Variants in RNF111 observed in about 807,000 individuals in gnomAD.
The protein encoded by RNF111 is ring finger protein 111, also known as E3 ubiquitin-protein ligase Arkadia.
In RNF111, 17 loss-of-function variants were observed where a neutral mutation model predicts 95.1. That is an observed-to-expected ratio of 0.18 (90% CI 0.12 to 0.27). The LOEUF (loss-of-function observed/expected upper bound fraction) is 0.27. RNF111 is among the 10% of genes least tolerant of loss of function. RNF111 has a pLI of 1.00. For missense variants in RNF111, 1,189 were observed against 1,210.4 expected (o/e 0.98, Z 0.26); for synonymous variants, 440 against 414.8 (o/e 1.06, Z -0.74).
rs765960985 is a variant in RNF111 at position 59,047,796 on chromosome 15, A to T, written c.881-4509A>T. On this transcript the variant is annotated intron_variant, in intron 2 of 13. Transcript: ENST00000348370. ...TCGCCATGTTGCCCAGGCTGGATTGAACTCCTTAGCTCGAGCAATCTGCCT... is the reference window on the plus strand; with the variant it reads ...TCGCCATGTTGCCCAGGCTGGATTGTACTCCTTAGCTCGAGCAATCTGCCT... Among the ~76,000 whole-genome samples the T allele has an allele frequency of 1.6e-4, 24 of 152,220 alleles. No homozygotes were observed. In the South Asian group the frequency reaches 1.7e-3, roughly 11 times the overall value.
chr15:59,002,621 T>C (rs776030340), intron 1 of RNF111, among the ~76,000 whole-genome samples: 15 of 152,024 alleles, frequency 9.9e-5, no homozygotes, highest in Non-Finnish European at 1.6e-4. Context: ...ATCCAGGCTT[T>C]GCTATCAGGT....
At chr15:59,052,876 C>G (rs1333955123) in intron 3 of RNF111, among the ~76,000 whole-genome samples, 1 of 151,784 alleles carries the variant, frequency 6.6e-6, no homozygotes, top group African/African-American at 2.4e-5. Flanking sequence ...AGTTAATGCT[C>G]TGAATAAACA....
At chr15:59,048,730 G>T (rs1364465626) in intron 2 of RNF111, among the ~76,000 whole-genome samples, 1 of 152,116 alleles carries the variant, frequency 6.6e-6, no homozygotes, top group Non-Finnish European at 1.5e-5. Context: ...AAAAGAAATG[G>T]AGGGTTACTT....
intron 1 of RNF111, among the ~76,000 whole-genome samples, chr15:58,992,868 C>T (rs1441974146): frequency 5.9e-5 from 9 of 151,724 alleles, no homozygotes; most frequent in African/African-American, 1.9e-4. Flanking sequence ...TTTTTGAAAA[C>T]GTTCATTCAT....
At chr15:59,026,262 C>G (rs1439651128) in intron 1 of RNF111, among the ~76,000 whole-genome samples, 2 of 152,110 alleles carry the variant, frequency 1.3e-5, no homozygotes, top group Non-Finnish European at 2.9e-5. Flanking sequence ...ATTACTAAAT[C>G]CCAACCCTAA....
rs560294138 is a variant in RNF111 at position 59,066,211 on chromosome 15, A to G, written c.1367-553A>G. On this transcript the variant is annotated intron_variant, in intron 5 of 13. Coordinates refer to ENST00000348370, the MANE Select transcript of RNF111 (RefSeq NM_017610.8). ...CCATAGGAAAACATGATCTATTGCC[A>G]TACTTACACATCACAGTAAATATGA... 8.5e-5 allele frequency among the ~76,000 whole-genome samples: 13 copies of G among 152,368 alleles called. No individual in the cohort carries two copies. In the East Asian group the frequency reaches 1.7e-3, roughly 20 times the overall value.
intron 2 of RNF111, among the ~76,000 whole-genome samples, chr15:59,034,059 A>G (rs1270210793): frequency 2.0e-5 from 3 of 152,268 alleles, no homozygotes; most frequent in Non-Finnish European, 2.9e-5. Context: ...ACTATTAACC[A>G]GAAGTAATCA....
chr15:59,055,837 A>G lies in RNF111; in HGVS notation c.1163A>G (p.Asp388Gly), dbSNP rs774298553. 8 of 1,607,396 alleles carry G rather than the reference A, an allele frequency of 5.0e-6. No individual in the cohort carries two copies. The Admixed American group carries it at 1.2e-4, about 24-fold the overall frequency. Residue 388 changes from aspartate (D) to glycine (G), a missense_variant, in exon 4 of 14, where the codon GAT becomes GGT. Coordinates refer to ENST00000348370, the MANE Select transcript of RNF111 (RefSeq NM_017610.8). ...NAAEVVDLTV[D>G]EDEPTVVPTT... ...GCAGAAGTTGTGGACCTTACCGTTGATGAAGATGGTAAATTGAAGTAGTAA... is the reference window on the plus strand; with the variant it reads ...GCAGAAGTTGTGGACCTTACCGTTGGTGAAGATGGTAAATTGAAGTAGTAA...
In RNF111 at chr15:59,081,098, C is replaced by G; in HGVS notation, c.2111C>G (p.Pro704Arg). The G allele has an allele frequency of 6.2e-7, 1 of 1,614,090 alleles. No individual in the cohort carries two copies. The highest frequency in any genetic ancestry group is 1.1e-5 in the South Asian group (1 of 91,072). The change falls in exon 8 of 14, where the codon CCT becomes CGT. Residue 704 changes from proline to arginine, a missense_variant. This residue lies in a region of RNF111 where 1,024 missense variants were observed against 925.9 expected (regional missense o/e 1.11). Transcript: ENST00000348370. ...ATATCTTCTCATGCAACATCTCATC[C>G]TGTGGCACCCCCACCACCAACTCAC... ...SQISSHATSH[P>R]VAPPPPTHLA... is the part of the protein sequence containing the mutation.
intron 1 of RNF111, among the ~76,000 whole-genome samples, chr15:59,007,037 C>T (rs1156601718): frequency 6.6e-6 from 1 of 152,308 alleles, no homozygotes; most frequent in Non-Finnish European, 1.5e-5. Context: ...CTGCCTGCCT[C>T]AGCCTCTTGA....
chr15:58,991,120 C>T (rs1168995238), intron 1 of RNF111, among the ~76,000 whole-genome samples: 1 of 151,762 alleles, frequency 6.6e-6, no homozygotes, highest in Admixed American at 6.6e-5. Context: ...GGTGAAACCC[C>T]GTCTGTACTA....
chr15:59,031,637 A>AAGG lies in RNF111; in HGVS notation c.818_820dup (p.Gly273dup), dbSNP rs1376552220. The AAGG allele has an allele frequency of 1.9e-6, 3 of 1,614,176 alleles. No individual in the cohort carries two copies. The highest frequency in any genetic ancestry group is 2.2e-5 in the East Asian group (1 of 44,880). ...GAATCCTCTTCTAGCTCATCAACTGAAGGAGAAGAAGATTTGTTTGTTTCT... is the reference window on the plus strand; with the variant it reads ...GAATCCTCTTCTAGCTCATCAACTGAAGGAGGAGAAGAAGATTTGTTTGTTTCT... On this transcript the variant is annotated inframe_insertion, in exon 2 of 14. Transcript: ENST00000348370.
chr15:59,026,188 G>A (rs528708681), intron 1 of RNF111, among the ~76,000 whole-genome samples: 1 of 152,260 alleles, frequency 6.6e-6, no homozygotes, highest in African/African-American at 2.4e-5. Flanking sequence ...GTTCCTCAGA[G>A]TTGTATGGAT....
At chr15:59,024,471 C>T (rs1005183447) in intron 1 of RNF111, among the ~76,000 whole-genome samples, 7 of 107,934 alleles carry the variant, frequency 6.5e-5, no homozygotes, top group Non-Finnish European at 1.2e-4. Context: ...TCAGCAAGTA[C>T]TTTAAGAAAG....
At chr15:59,081,864 C>CA (rs1230769483) in intron 8 of RNF111, among the ~76,000 whole-genome samples, 1 of 152,020 alleles carries the variant, frequency 6.6e-6, no homozygotes, top group African/African-American at 2.4e-5. Flanking sequence ...TCGTCTCCAC[C>CA]AAAAAAAGGA....
intron 1 of RNF111, among the ~76,000 whole-genome samples, chr15:59,005,246 CA>C (rs2039488390): frequency 6.6e-6 from 1 of 152,158 alleles, no homozygotes; most frequent in African/African-American, 2.4e-5. Context: ...AGGCTGATCT[CA>C]AACTCCTGGG....
chr15:59,051,447 G>A (rs1421602411), intron 2 of RNF111, among the ~76,000 whole-genome samples: 1 of 122,510 alleles, frequency 8.2e-6, no homozygotes, highest in African/African-American at 3.3e-5. Context: ...GATTGAGCGA[G>A]ACTCTGTCTC....
chr15:59,091,012 G>A (rs773414615), intron 11 of RNF111, 47 bp from the exon 12 acceptor site: 2 of 1,127,734 alleles, frequency 1.8e-6, no homozygotes, highest in Admixed American at 1.8e-5. Context: ...TCTGTTCAAG[G>A]AATAATCATC....
chr15:59,035,879 TC>T (rs1356362654), intron 2 of RNF111, among the ~76,000 whole-genome samples: 1 of 152,134 alleles, frequency 6.6e-6, no homozygotes, highest in Non-Finnish European at 1.5e-5. Flanking sequence ...GTTCCAAACT[TC>T]CCCACATCTT....
Sources: allele counts gnomAD v4.1 joint callset (sites outside exome capture counted in the v4.1 genomes callset), GRCh38; gene constraint gnomAD v4.1.1; regional missense constraint gnomAD v4.1.1; transcripts MANE v1.5; gene names NCBI Gene and HGNC (gene_info 2026-07-23, HGNC 2026-07-21).